CHLSN: variants seen among roughly 807,000 people sequenced by gnomAD.
CHLSN encodes cholesin, also known as protein cholesin.
chr7:1,113,676 A>G, the CHLSN span, among the ~76,000 whole-genome samples: 978 of 152,194 alleles, frequency 6.4e-3, 12 homozygotes, highest in African/African-American at 0.022. Flanking sequence ...CAGCCCGAGC[A>G]TTTCCCAGGA....
the CHLSN span, among the ~76,000 whole-genome samples, chr7:1,047,599 C>CA: frequency 6.6e-6 from 1 of 152,250 alleles, no homozygotes; most frequent in Non-Finnish European, 1.5e-5. Context: ...ATTCCAGAGT[C>CA]ATTTTGAAAG....
chr7:998,741 C>T, the CHLSN span, among the ~76,000 whole-genome samples: 7 of 152,138 alleles, frequency 4.6e-5, no homozygotes, highest in African/African-American at 2.4e-5. Flanking sequence ...CCACCACGCC[C>T]GGCTACACAG....
chr7:1,046,514 C>G, the CHLSN span, among the ~76,000 whole-genome samples: 1 of 152,160 alleles, frequency 6.6e-6, no homozygotes, highest in Non-Finnish European at 1.5e-5. Context: ...CTCAAAGGCT[C>G]AGGACCCCAA....
the CHLSN span, among the ~76,000 whole-genome samples, chr7:1,102,521 G>A: frequency 5.9e-5 from 9 of 152,204 alleles, no homozygotes; most frequent in African/African-American, 1.9e-4. Context: ...TGCTTCTTTG[G>A]TAAAACCAAA....
the CHLSN span, among the ~76,000 whole-genome samples, chr7:1,097,029 G>C: frequency 7.2e-5 from 11 of 152,252 alleles, no homozygotes; most frequent in Non-Finnish European, 1.3e-4. This position sits in a 1 kb window ranked among gnomAD's most constrained non-coding sequence, Gnocchi z 4.3. Context: ...TCTCCCAGCA[G>C]AGGCGGGAGA....
the CHLSN span, among the ~76,000 whole-genome samples, chr7:1,118,643 A>G: frequency 6.6e-6 from 1 of 152,078 alleles, no homozygotes; most frequent in Non-Finnish European, 1.5e-5. Flanking sequence ...GGCCAAGAAC[A>G]CTGTCCAAAA....
chr7:1,029,348 G>A, the CHLSN span, among the ~76,000 whole-genome samples: 3 of 152,090 alleles, frequency 2.0e-5, no homozygotes, highest in Non-Finnish European at 4.4e-5. Flanking sequence ...GGCTGTTCAC[G>A]AACTCCTGGG....
chr7:1,095,979 G>C, the CHLSN span, among the ~76,000 whole-genome samples: 4 of 152,226 alleles, frequency 2.6e-5, no homozygotes, highest in Non-Finnish European at 4.4e-5. Flanking sequence ...CCCTTAAGGT[G>C]ATCTGGGTGG....
At chr7:1,049,042 T>G in the CHLSN span, among the ~76,000 whole-genome samples, 1 of 151,904 alleles carries the variant, frequency 6.6e-6, no homozygotes, top group Non-Finnish European at 1.5e-5. Flanking sequence ...AGGCCTCCGC[T>G]GTCTGAGCGT....
At chr7:1,083,842 A>T in the CHLSN span, among the ~76,000 whole-genome samples, 2 of 152,178 alleles carry the variant, frequency 1.3e-5, no homozygotes, top group African/African-American at 4.8e-5. Context: ...GCAGAAAACC[A>T]GGATGCCCTG....
chr7:1,089,853 C>A, the CHLSN span, among the ~76,000 whole-genome samples: 5 of 151,872 alleles, frequency 3.3e-5, no homozygotes, highest in African/African-American at 1.2e-4. Context: ...GAGGCCAAGG[C>A]GGGCAGATCA....
the CHLSN span, chr7:987,283 C>T: frequency 1.3e-6 from 2 of 1,505,374 alleles, no homozygotes; most frequent in Non-Finnish European, 8.9e-7. Context: ...CTCCTTCTGC[C>T]CCCGGGGGAC....
the CHLSN span, among the ~76,000 whole-genome samples, chr7:980,317 G>A: frequency 6.6e-6 from 1 of 152,200 alleles, no homozygotes; most frequent in Admixed American, 6.5e-5. Flanking sequence ...GATGGCTCAG[G>A]CCTGAGTATC....
the CHLSN span, chr7:1,025,915 A>C: frequency 3.3e-5 from 5 of 152,234 alleles, no homozygotes; most frequent in African/African-American, 1.2e-4. Flanking sequence ...CCTGGGACGG[A>C]GGGCTCCCTT....
chr7:1,047,798 T>C, the CHLSN span, among the ~76,000 whole-genome samples: 1 of 152,150 alleles, frequency 6.6e-6, no homozygotes, highest in South Asian at 2.1e-4. Context: ...CCGGGGACAA[T>C]AAGAAGCGCT....
chr7:1,028,805 T>C, the CHLSN span: 1 of 745,196 alleles, frequency 1.3e-6, no homozygotes, highest in Non-Finnish European at 1.6e-6. Context: ...GCTCCCCCAA[T>C]CTGACTCCAT....
At chr7:979,541 T>C in the CHLSN span, among the ~76,000 whole-genome samples, 1,008 of 151,982 alleles carry the variant, frequency 6.6e-3, 4 homozygotes, top group Non-Finnish European at 9.5e-3. Flanking sequence ...CATCTGAGGT[T>C]AGGAGTTCAA....
chr7:1,083,935 T>A, the CHLSN span, among the ~76,000 whole-genome samples: 1 of 152,330 alleles, frequency 6.6e-6, no homozygotes, highest in Middle Eastern at 3.4e-3. Context: ...ACGGCCTGCG[T>A]GCTTCTGAAG....
At chr7:1,070,085 T>C in the CHLSN span, among the ~76,000 whole-genome samples, 1 of 81,542 alleles carries the variant, frequency 1.2e-5, no homozygotes, top group Admixed American at 1.2e-4. Context: ...CCGCCCCGTC[T>C]GAGAAGTGAG....
Sources: gnomAD v4.1 joint callset for allele counts (sites outside exome capture counted in the v4.1 genomes callset) on GRCh38, gnomAD v4.1.1 for gene constraint, Gnocchi (gnomAD v3.1) non-coding constraint, MANE v1.5 for transcripts, NCBI Gene and HGNC (gene_info 2026-07-23, HGNC 2026-07-21) for gene names.